Variants in DCAF1 observed in about 807,000 individuals in gnomAD.
DCAF1 encodes DDB1 and CUL4 associated factor 1.
DCAF1 carries 15 observed loss-of-function variants against 128.0 expected under a neutral mutation model. The ratio of observed to expected loss-of-function variants is 0.12; its 90% CI spans 0.08 to 0.18. DCAF1 has a LOEUF of 0.18. DCAF1 is among the 10% of genes least tolerant of loss of function. The pLI is 1.00. For missense variants in DCAF1, 988 were observed against 1,649.5 expected, an observed-to-expected ratio of 0.60 and a Z score of 6.95; for synonymous variants, 610 against 603.0, an observed-to-expected ratio of 1.01 and a Z score of -0.17.
intron 16 of DCAF1, among the ~76,000 whole-genome samples, 192 bp from the exon 17 acceptor site, chr3:51,418,390 A>C (rs1391829274): frequency 1.3e-5 from 2 of 152,264 alleles, no homozygotes; most frequent in Non-Finnish European, 2.9e-5. Context: ...GTGTCCTATA[A>C]AATAACCAAA....
At chr3:51,475,940 G>A (rs1327436565) in intron 3 of DCAF1, among the ~76,000 whole-genome samples, 7 of 152,004 alleles carry the variant, frequency 4.6e-5, no homozygotes, top group East Asian at 1.9e-4. Context: ...AGACACTCTC[G>A]GTAAGTTATT....
chr3:51,499,338 C>T lies in DCAF1; in HGVS notation c.-56+535G>A, dbSNP rs150438585. ...GGGGATGGGAGGAGCGCCCGGAAAG[C>T]TCCGCCCCCGTCGCACGGTCCAAGA... is the stretch of plus-strand genomic sequence containing the variant. On this transcript the variant is annotated intron_variant, in intron 1 of 24. Coordinates refer to ENST00000684031, the MANE Select transcript of DCAF1 (RefSeq NM_001387579.1). Among the ~76,000 whole-genome samples the T allele has an allele frequency of 3.0e-3, 457 of 152,304 alleles. 1 individual carries two copies. Among genetic ancestry groups the T allele is most frequent in the Non-Finnish European group, 5.5e-3 (372 of 68,022 alleles).
intron 3 of DCAF1, among the ~76,000 whole-genome samples, chr3:51,475,535 G>T (rs1553650187): frequency 6.6e-6 from 1 of 152,104 alleles, no homozygotes; most frequent in African/African-American, 2.4e-5. Context: ...TTGAGCCCAG[G>T]AATTCAAGGC....
chr3:51,486,881 C>T (rs1707027650), intron 2 of DCAF1, among the ~76,000 whole-genome samples: 1 of 152,090 alleles, frequency 6.6e-6, no homozygotes. Flanking sequence ...ATCCGCCTGC[C>T]TCGGCCTCCC....
chr3:51,404,597 A>G (rs1451532779), intron 23 of DCAF1, among the ~76,000 whole-genome samples: 1 of 152,220 alleles, frequency 6.6e-6, no homozygotes, highest in Non-Finnish European at 1.5e-5. Context: ...TGGAACCACC[A>G]TTAGTGACTT....
intron 21 of DCAF1, 72 bp downstream of exon 21, chr3:51,413,210 G>A: frequency 6.4e-7 from 1 of 1,552,750 alleles, no homozygotes; most frequent in Non-Finnish European, 8.7e-7. Flanking sequence ...CAGGCCTCCA[G>A]AAAATGAAGG....
chr3:51,416,962 C>T, intron 17 of DCAF1, 91 bp from the exon 18 acceptor site: 2 of 1,522,038 alleles, frequency 1.3e-6, no homozygotes, highest in Non-Finnish European at 1.8e-6. Flanking sequence ...CAGCCTCTTG[C>T]ACAATCACAC....
At chr3:51,505,264 A>G in the DCAF1 span, among the ~76,000 whole-genome samples, 1 of 152,060 alleles carries the variant, frequency 6.6e-6, no homozygotes, top group East Asian at 1.9e-4. Flanking sequence ...ATTCTGTCTC[A>G]AAAAATAATA....
In DCAF1 at chr3:51,439,442, ATTTTTT is replaced by A. The variant is rs1191716094; in HGVS notation, c.1128+1522_1128+1527del. Among the ~76,000 whole-genome samples the A allele has an allele frequency of 4.7e-5, 6 of 128,434 alleles. No individual in the cohort carries two copies. The South Asian group carries it at 9.7e-4, about 21-fold the overall frequency. The allele number at this position is 128,434 out of a possible 152,430, so 84.3% of individuals were successfully genotyped here. Reference sequence around the variant, plus strand: ...CGTGCCTGGCCTGTCTGCTATTTCTATTTTTTTTTTTTTTTTTGAGACAGAGTCTCA... The same window carrying A: ...CGTGCCTGGCCTGTCTGCTATTTCTATTTTTTTTTTTGAGACAGAGTCTCA... On this transcript the variant is annotated intron_variant, in intron 9 of 24. Coordinates refer to ENST00000684031, the MANE Select transcript of DCAF1 (RefSeq NM_001387579.1).
intron 7 of DCAF1, 72 bp from the exon 8 acceptor site, chr3:51,441,969 T>C: frequency 2.7e-6 from 4 of 1,507,450 alleles, no homozygotes; most frequent in Non-Finnish European, 1.8e-6. Context: ...ATAATTCTTA[T>C]TTCCACATAA....
intron 23 of DCAF1, among the ~76,000 whole-genome samples, 193 bp downstream of exon 23, chr3:51,412,186 C>A (rs1231755544): frequency 6.8e-6 from 1 of 147,204 alleles, no homozygotes; most frequent in Non-Finnish European, 1.5e-5. Context: ...TTCACGGGAT[C>A]ATCAGGTACT....
At position 51,453,930 on chromosome 3, in the gene DCAF1, C is replaced by T. The variant is rs1291155036; in HGVS notation, c.375+9184G>A. On this transcript the variant is annotated intron_variant, in intron 6 of 24. Coordinates refer to ENST00000684031, the MANE Select transcript of DCAF1 (RefSeq NM_001387579.1). ...ATCGCGCCACTGCCTCCAGCCTGCACGACAGAGCGAGACTCCATCTCAAAA... is the reference window on the plus strand; with the variant it reads ...ATCGCGCCACTGCCTCCAGCCTGCATGACAGAGCGAGACTCCATCTCAAAA... Among the ~76,000 whole-genome samples, 21 of 149,572 alleles carry T rather than the reference C, an allele frequency of 1.4e-4. 1 individual carries two copies. Among genetic ancestry groups the T allele is most frequent in the South Asian group, 6.3e-4 (3 of 4,754 alleles).
chr3:51,502,694 A>G (rs1040005179), upstream of DCAF1, among the ~76,000 whole-genome samples: 1 of 151,984 alleles, frequency 6.6e-6, no homozygotes, highest in Non-Finnish European at 1.5e-5. Flanking sequence ...GGGAGGAGAC[A>G]AACAAGGCCT....
At chr3:51,405,867 T>A (rs2090065196) in intron 23 of DCAF1, among the ~76,000 whole-genome samples, 1 of 152,076 alleles carries the variant, frequency 6.6e-6, no homozygotes, top group Non-Finnish European at 1.5e-5. Flanking sequence ...AAATAATTAT[T>A]TAATGAAAAA....
chr3:51,408,007 A>AAAAAAG lies in DCAF1; in HGVS notation c.4212+4371_4212+4372insCTTTTT, dbSNP rs1329585381. Among the ~76,000 whole-genome samples, 4 of 150,238 alleles carry AAAAAAG rather than the reference A, an allele frequency of 2.7e-5. No individual in the cohort carries two copies. In the East Asian group the frequency reaches 5.8e-4, roughly 22 times the overall value. On this transcript the variant is annotated intron_variant, in intron 23 of 24. Coordinates refer to ENST00000684031, the MANE Select transcript of DCAF1 (RefSeq NM_001387579.1). ...CTCAAAAAAAAAAAAAAAAAAAAAA[A>AAAAAAG]AACAACCAGATACCAAACTTCTAAT...
In DCAF1 at chr3:51,441,765, T is replaced by G. The variant is rs781989053; in HGVS notation, c.646A>C (p.Met216Leu). The G allele has an allele frequency of 1.9e-6, 3 of 1,613,838 alleles. No individual in the cohort carries two copies. In the African/African-American group the frequency reaches 4.0e-5, roughly 22 times the overall value. ...TCTACAGCCATGTCACCATAGTCCATATCCACAGCCTCCTCATCCAGAGGC... is the reference window on the plus strand; with the variant it reads ...TCTACAGCCATGTCACCATAGTCCAGATCCACAGCCTCCTCATCCAGAGGC... ...LLPLDEEAVD[M>L]DYGDMAVDVV... The change falls in exon 8 of 25, where the codon ATG becomes CTG. Residue 216 changes from methionine (M) to leucine (L), a missense_variant. Transcript: ENST00000684031.
intron 2 of DCAF1, among the ~76,000 whole-genome samples, chr3:51,484,627 T>C (rs1364098378): frequency 6.6e-6 from 1 of 152,050 alleles, no homozygotes; most frequent in Non-Finnish European, 1.5e-5. Flanking sequence ...CGTTAGTCCT[T>C]TGAGGGAAGT....
At chr3:51,451,173 C>T (rs369096479) in intron 6 of DCAF1, among the ~76,000 whole-genome samples, 3 of 137,942 alleles carry the variant, frequency 2.2e-5, no homozygotes, top group Non-Finnish European at 3.0e-5. Flanking sequence ...ACTGCAACCT[C>T]GAACTCCTGC....
intron 24 of DCAF1, 45 bp downstream of exon 24, chr3:51,403,098 T>G (rs2089851600): frequency 1.3e-6 from 2 of 1,562,146 alleles, no homozygotes; most frequent in Non-Finnish European, 1.7e-6. Flanking sequence ...GAAGGGATCT[T>G]GCCCTGGGTG....
Sources: allele counts gnomAD v4.1 joint callset (sites outside exome capture counted in the v4.1 genomes callset), GRCh38; gene constraint gnomAD v4.1.1; transcripts MANE v1.5; gene names NCBI Gene and HGNC (gene_info 2026-07-23, HGNC 2026-07-21).